NTNG1: variants seen among roughly 807,000 people sequenced by gnomAD.
The protein encoded by NTNG1 is netrin-G1.
NTNG1 carries 16 observed loss-of-function variants against 54.0 expected under a neutral mutation model. The ratio of observed to expected loss-of-function variants is 0.30; its 90% CI spans 0.20 to 0.45. The LOEUF (loss-of-function observed/expected upper bound fraction) is 0.45, where lower values mean the gene tolerates loss of function less well. NTNG1 is among the 20% of genes least tolerant of loss of function. NTNG1 has a pLI of 1.00. For missense variants in NTNG1, 530 were observed against 678.7 expected (o/e 0.78, Z 2.43); for synonymous variants, 255 against 263.1 (o/e 0.97, Z 0.30).
At chr1:107,316,588 C>A (rs940677317) in intron 2 of NTNG1, among the ~76,000 whole-genome samples, 1 of 152,126 alleles carries the variant, frequency 6.6e-6, no homozygotes, top group Non-Finnish European at 1.5e-5. Flanking sequence ...ATTGTTTTTG[C>A]ATTTTACCCC....
intron 5 of NTNG1, among the ~76,000 whole-genome samples, chr1:107,414,800 C>T (rs1378669155): frequency 6.6e-6 from 1 of 152,120 alleles, no homozygotes; most frequent in Non-Finnish European, 1.5e-5. Flanking sequence ...CAGACAGTGT[C>T]ATTATCTATT....
At chr1:107,330,298 G>A (rs1203688251) in intron 3 of NTNG1, among the ~76,000 whole-genome samples, 7 of 152,130 alleles carry the variant, frequency 4.6e-5, no homozygotes, top group South Asian at 2.1e-4. Flanking sequence ...TGGAGTCTCC[G>A]TATTAATTGA....
chr1:107,480,263 A>G, intron 7 of NTNG1, among the ~76,000 whole-genome samples: 1 of 152,302 alleles, frequency 6.6e-6, no homozygotes, highest in South Asian at 2.1e-4. Flanking sequence ...CTTGTCCTTT[A>G]AAAACCCAAA....
intron 3 of NTNG1, among the ~76,000 whole-genome samples, chr1:107,348,673 T>C (rs1335654014): frequency 6.6e-6 from 1 of 152,104 alleles, no homozygotes; most frequent in Non-Finnish European, 1.5e-5. Context: ...AATAAACTGA[T>C]TTCTGCTATG....
intron 2 of NTNG1, among the ~76,000 whole-genome samples, chr1:107,301,075 T>C (rs1477217135): frequency 2.0e-5 from 3 of 151,930 alleles, no homozygotes; most frequent in Non-Finnish European, 2.9e-5. Flanking sequence ...TAGTTATCAA[T>C]ATTAGAAAAA....
intron 1 of NTNG1, among the ~76,000 whole-genome samples, chr1:107,143,725 C>T (rs1653906801): frequency 6.6e-6 from 1 of 151,652 alleles, no homozygotes; most frequent in Non-Finnish European, 1.5e-5. Flanking sequence ...CTCATATATG[C>T]GTTTGAGACC....
At chr1:107,406,100 T>C (rs1460029394) in intron 4 of NTNG1, among the ~76,000 whole-genome samples, 1 of 152,176 alleles carries the variant, frequency 6.6e-6, no homozygotes, top group Non-Finnish European at 1.5e-5. Flanking sequence ...ATTTTTTGTG[T>C]TTCTAATAAC....
chr1:107,405,034 T>C (rs1673320325), intron 4 of NTNG1, among the ~76,000 whole-genome samples: 1 of 152,110 alleles, frequency 6.6e-6, no homozygotes, highest in Non-Finnish European at 1.5e-5. Flanking sequence ...ACCCCAGCTT[T>C]CATGAAATAA....
intron 2 of NTNG1, among the ~76,000 whole-genome samples, chr1:107,204,314 T>C (rs547460868): frequency 6.6e-6 from 1 of 152,266 alleles, no homozygotes; most frequent in Non-Finnish European, 1.5e-5. Flanking sequence ...TTTGATGGAA[T>C]TTCTAACTAT....
intron 4 of NTNG1, 42 bp from the exon 5 acceptor site, chr1:107,407,640 A>T: frequency 6.6e-7 from 1 of 1,511,856 alleles, no homozygotes; most frequent in Non-Finnish European, 9.1e-7. Flanking sequence ...ATGTACTAAT[A>T]AATAGCTAAC....
At position 107,399,611 on chromosome 1, in the gene NTNG1, C is replaced by A. The variant is rs75112054; in HGVS notation, c.1060+4285C>A. The stretch of plus-strand genomic sequence containing the variant: ...TCCTAAGTGCTTTATATACATTAGT[C>A]CATTCTAAACTCAAAATAGTCTTAC... On this transcript the variant is annotated intron_variant, in intron 4 of 7. Transcript: ENST00000370068. 4.5e-4 allele frequency among the ~76,000 whole-genome samples: 68 copies of A among 152,188 alleles called. No individual in the cohort carries two copies. The East Asian group carries it at 0.011, about 25-fold the overall frequency.
chr1:107,273,814 G>T (rs1426905450), intron 2 of NTNG1, among the ~76,000 whole-genome samples: 5 of 152,154 alleles, frequency 3.3e-5, no homozygotes, highest in Non-Finnish European at 7.4e-5. Flanking sequence ...CCCTGAATAT[G>T]CATTAAATGA....
intron 3 of NTNG1, among the ~76,000 whole-genome samples, chr1:107,356,833 T>C (rs575872617): frequency 6.6e-6 from 1 of 152,020 alleles, no homozygotes; most frequent in Admixed American, 6.6e-5. Context: ...CAAAACACTG[T>C]CTCTAAAAAA....
At chr1:107,146,873 T>A (rs944840915) in intron 1 of NTNG1, among the ~76,000 whole-genome samples, 3 of 152,038 alleles carry the variant, frequency 2.0e-5, no homozygotes, top group African/African-American at 4.8e-5. Context: ...TGAATTCCCT[T>A]TATAAGATTG....
At chr1:107,429,897 C>T (rs186822559) in intron 5 of NTNG1, among the ~76,000 whole-genome samples, 164 of 152,228 alleles carry the variant, frequency 1.1e-3, no homozygotes, top group African/African-American at 3.9e-3. Context: ...CAACTACTCT[C>T]ATGCTCTTCT....
intron 5 of NTNG1, among the ~76,000 whole-genome samples, chr1:107,428,039 G>A (rs1214846046): frequency 1.3e-5 from 2 of 152,090 alleles, no homozygotes; most frequent in Non-Finnish European, 2.9e-5. Flanking sequence ...AGTTTTATCA[G>A]GTAGATTAAA....
chr1:107,406,851 GA>G (rs1420966784), intron 4 of NTNG1, among the ~76,000 whole-genome samples: 1 of 152,130 alleles, frequency 6.6e-6, no homozygotes, highest in African/African-American at 2.4e-5. Context: ...TGTGGTCAGT[GA>G]AAATTTAGGA....
At chr1:107,272,122 G>A (rs1416481314) in intron 2 of NTNG1, among the ~76,000 whole-genome samples, 2 of 152,050 alleles carry the variant, frequency 1.3e-5, no homozygotes, top group Non-Finnish European at 2.9e-5. Context: ...CGAGCACCTC[G>A]TTGTGTCAAT....
intron 3 of NTNG1, among the ~76,000 whole-genome samples, chr1:107,345,131 A>T (rs2101938649): frequency 6.6e-6 from 1 of 152,290 alleles, no homozygotes; most frequent in East Asian, 1.9e-4. Flanking sequence ...AGGTCTGACC[A>T]TGAAAATCTC....
Sources: gnomAD v4.1 joint callset for allele counts (sites outside exome capture counted in the v4.1 genomes callset) on GRCh38, gnomAD v4.1.1 for gene constraint, MANE v1.5 for transcripts, NCBI Gene and HGNC (gene_info 2026-07-23, HGNC 2026-07-21) for gene names.